Variants in NCLN observed in about 807,000 individuals in gnomAD.
NCLN encodes nicalin.
In NCLN, 34 loss-of-function variants were observed where a neutral mutation model predicts 69.5. The observed-to-expected ratio is 0.49, with a 90% confidence interval of 0.37 to 0.65. NCLN has a LOEUF of 0.65. Ranked by LOEUF, NCLN falls within the 30% of genes least tolerant of loss-of-function variation. The pLI, the probability that NCLN is intolerant of heterozygous loss-of-function variation, is 0.00. For synonymous variants in NCLN, 393 were observed against 358.3 expected, an observed-to-expected ratio of 1.10 and a Z score of -1.09; for missense variants, 710 against 804.8, an observed-to-expected ratio of 0.88 and a Z score of 1.42.
chr19:3,190,729 C>T (rs1568309593), intron 1 of NCLN, among the ~76,000 whole-genome samples: 1 of 152,242 alleles, frequency 6.6e-6, no homozygotes, highest in Non-Finnish European at 1.5e-5. Flanking sequence ...GGCTCCGGGG[C>T]CCGCCCCCGG....
At chr19:3,204,197 G>A in intron 8 of NCLN, 53 bp downstream of exon 8, 3 of 1,472,228 alleles carry the variant, frequency 2.0e-6, no homozygotes, top group Non-Finnish European at 2.7e-6. Flanking sequence ...ACACACATCG[G>A]GGCCGGGTTG....
chr19:3,188,018 G>T (rs78026039), intron 1 of NCLN, among the ~76,000 whole-genome samples: 3 of 152,132 alleles, frequency 2.0e-5, no homozygotes, highest in Non-Finnish European at 4.4e-5. Flanking sequence ...GATTTTCAGC[G>T]CTGCTTGAGG....
chr19:3,193,450 C>CG, intron 3 of NCLN, 22 bp downstream of exon 3: 3 of 1,577,172 alleles, frequency 1.9e-6, no homozygotes, highest in Non-Finnish European at 2.6e-6. Flanking sequence ...GCTGCAGGGA[C>CG]GGGGCCCGTG....
At chr19:3,196,146 C>A in intron 3 of NCLN, 37 bp from the exon 4 acceptor site, 1 of 1,475,226 alleles carries the variant, frequency 6.8e-7, no homozygotes, top group Non-Finnish European at 9.2e-7. Context: ...GGGGCCCTGG[C>A]TGGGCCAAGG....
intron 3 of NCLN, among the ~76,000 whole-genome samples, chr19:3,194,145 T>A (rs1915900379): frequency 6.6e-6 from 1 of 152,168 alleles, no homozygotes; most frequent in Non-Finnish European, 1.5e-5. Flanking sequence ...TAAAGGAGGC[T>A]GAGGCGGGTG....
intron 1 of NCLN, among the ~76,000 whole-genome samples, chr19:3,190,365 C>T (rs1915786827): frequency 6.6e-6 from 1 of 152,174 alleles, no homozygotes. Flanking sequence ...TGCCCACCTC[C>T]TTGTGCTGCA....
At chr19:3,190,703 C>T (rs910043541) in intron 1 of NCLN, among the ~76,000 whole-genome samples, 7 of 152,184 alleles carry the variant, frequency 4.6e-5, no homozygotes, top group African/African-American at 1.2e-4. Flanking sequence ...GCTTCCTGCA[C>T]GGGTCTCACA....
Position 3,205,782 on chromosome 19 carries a change from A to G in NCLN, c.1209-157A>G, listed in dbSNP as rs1431561356. ...GGGCCCCCAGTGAATCTGCATCTAC[A>G]TGTTAGCCAAGTAGTTAAAGCTAAG... On this transcript the variant is annotated intron_variant, in intron 9 of 14. Transcript: ENST00000246117. The surrounding 1 kb of genome is among the most constrained non-coding windows in gnomAD (Gnocchi z 4.6). 13 of 703,460 alleles carry G rather than the reference A, an allele frequency of 1.8e-5. No homozygotes were observed. Among genetic ancestry groups the G allele is most frequent in the Non-Finnish European group, 2.9e-5 (12 of 420,526 alleles). The allele number at this position is 703,460 out of a possible 1,614,324, so 43.6% of individuals were successfully genotyped here.
Position 3,207,726 on chromosome 19 carries a change from C to T in NCLN, c.*38C>T. 1 of 1,575,928 alleles carries T rather than the reference C, an allele frequency of 6.3e-7. No homozygotes were observed. The highest frequency in any genetic ancestry group is 8.7e-7 in the Non-Finnish European group (1 of 1,147,524). On this transcript the variant is annotated 3_prime_UTR_variant, in exon 15 of 15. Transcript: ENST00000246117. ...CACAGCCGGAGCCCCCGCCGCTCCACAGTCCCTGGGGCCGAGCACGAGTGA... is the reference window on the plus strand; with the variant it reads ...CACAGCCGGAGCCCCCGCCGCTCCATAGTCCCTGGGGCCGAGCACGAGTGA...
intron 3 of NCLN, among the ~76,000 whole-genome samples, chr19:3,194,846 C>G (rs1271963258): frequency 6.8e-6 from 1 of 148,006 alleles, no homozygotes; most frequent in Non-Finnish European, 1.5e-5. Flanking sequence ...AAGGAGGAAT[C>G]TTCTACTTGG....
At position 3,204,716 on chromosome 19, in the gene NCLN, C is replaced by T. The variant is rs1345875532; in HGVS notation, c.1173C>T (p.His391=). 1 of 1,582,768 alleles carries T rather than the reference C, an allele frequency of 6.3e-7. No individual in the cohort carries two copies. Among genetic ancestry groups the T allele is most frequent in the Non-Finnish European group, 8.6e-7 (1 of 1,163,556 alleles). ...TCACGCTGTCCCACCTGGAGAGCCACCGTGACGGCCAGCGCAGCAGCATCA... is the reference window on the plus strand; with the variant it reads ...TCACGCTGTCCCACCTGGAGAGCCATCGTGACGGCCAGCGCAGCAGCATCA... ...PAFTLSHLES[H]RDGQRSSIMD... Residue 391 remains histidine, a synonymous_variant, in exon 9 of 15, where the codon CAC becomes CAT. Coordinates refer to ENST00000246117, the MANE Select transcript of NCLN (RefSeq NM_020170.4).
rs960616008 is a variant in NCLN at position 3,193,562 on chromosome 19, G to C, written c.520+134G>C. ...TCCCTTCGCCGGGGTTAACAGTGGG[G>C]GTTCCTGGGCCCCGTGTGGACCTGC... On this transcript the variant is annotated intron_variant, in intron 3 of 14. Transcript: ENST00000246117. The C allele has an allele frequency of 3.6e-6, 4 of 1,109,870 alleles. No homozygotes were observed. In the African/African-American group the frequency reaches 6.3e-5, roughly 18 times the overall value. The allele number at this position is 1,109,870 out of a possible 1,614,324, so 68.8% of individuals were successfully genotyped here.
intron 6 of NCLN, among the ~76,000 whole-genome samples, chr19:3,203,117 T>C (rs59377097): frequency 0.071 from 10,835 of 152,094 alleles, 1,002 homozygotes; most frequent in East Asian, 0.42. Context: ...GTTCGAGACC[T>C]GCCTAACGTG....
chr19:3,202,019 C>T (rs955253133), intron 6 of NCLN, among the ~76,000 whole-genome samples: 2 of 152,182 alleles, frequency 1.3e-5, no homozygotes, highest in African/African-American at 4.8e-5. Context: ...CACTCCATGC[C>T]AGGAACACGC....
intron 1 of NCLN, among the ~76,000 whole-genome samples, chr19:3,192,136 C>T (rs774662540): frequency 7.9e-5 from 12 of 152,220 alleles, no homozygotes; most frequent in South Asian, 4.1e-4. Context: ...TGCAGTGAGC[C>T]GAGATTGTGC....
chr19:3,194,758 T>C (rs1413163844), intron 3 of NCLN, among the ~76,000 whole-genome samples: 3 of 151,176 alleles, frequency 2.0e-5, no homozygotes. Flanking sequence ...TTTTTTTTTT[T>C]TTTCTTTTAT....
At position 3,192,666 on chromosome 19, in the gene NCLN, C is replaced by T. The variant is rs1310047154; in HGVS notation, c.375+6C>T. 5.8e-6 allele frequency: 9 copies of T among 1,544,104 alleles called. No homozygotes were observed. Among genetic ancestry groups the T allele is most frequent in the South Asian group, 4.8e-5 (4 of 82,778 alleles). The stretch of plus-strand genomic sequence containing the variant: ...TGCCCCAGGACGTCGTCCGGGTGAG[C>T]GTCTGCCCTGCCCCGCCCGGCTCAG... On this transcript the variant is annotated splice_donor_region_variant and intron_variant, in intron 2 of 14. Transcript: ENST00000246117.
intron 8 of NCLN, 41 bp downstream of exon 8, chr19:3,204,185 GCA>G (rs750194876): frequency 1.2e-5 from 18 of 1,482,924 alleles, no homozygotes; most frequent in Admixed American, 7.2e-5. Flanking sequence ...GCTCTGCGGA[GCA>G]CACACATCGG....
At chr19:3,206,864 C>T (rs1468009632) in intron 12 of NCLN, among the ~76,000 whole-genome samples, 1 of 152,140 alleles carries the variant, frequency 6.6e-6, no homozygotes, top group Non-Finnish European at 1.5e-5. Flanking sequence ...CTCTGTCACC[C>T]AGGCTGGAGT....
Sources: gnomAD v4.1 joint callset for allele counts (sites outside exome capture counted in the v4.1 genomes callset) on GRCh38, gnomAD v4.1.1 for gene constraint, Gnocchi (gnomAD v3.1) non-coding constraint, MANE v1.5 for transcripts, NCBI Gene and HGNC (gene_info 2026-07-23, HGNC 2026-07-21) for gene names.